Variants in PTPRG observed in about 807,000 individuals in gnomAD.
PTPRG encodes the protein receptor-type tyrosine-protein phosphatase gamma.
A neutral mutation model predicts 165.3 loss-of-function variants in PTPRG; 102 were observed. The ratio of observed to expected loss-of-function variants is 0.62; its 90% CI spans 0.53 to 0.73. The LOEUF (loss-of-function observed/expected upper bound fraction) is 0.73, where lower values mean the gene tolerates loss of function less well. Among genes scored for constraint, PTPRG ranks in the 30% least tolerant of loss-of-function variants. The probability of loss-of-function intolerance (pLI) is 0.00; values close to 1 mark genes in which losing one functional copy is unlikely to be tolerated. For synonymous variants in PTPRG, 675 were observed against 669.5 expected (o/e 1.01, Z -0.13); for missense variants, 1,866 against 1,861.4 (o/e 1.00, Z -0.05).
At chr3:61,754,903 C>T (rs1435287853) in intron 2 of PTPRG, among the ~76,000 whole-genome samples, 2 of 152,076 alleles carry the variant, frequency 1.3e-5, no homozygotes, top group Admixed American at 1.3e-4. Flanking sequence ...GTGTTATTTG[C>T]CTCTCTCCTA....
At chr3:61,577,855 T>C (rs1389945360) in intron 1 of PTPRG, among the ~76,000 whole-genome samples, 5 of 152,240 alleles carry the variant, frequency 3.3e-5, no homozygotes. Flanking sequence ...TGGAGAAGGT[T>C]GTCTCCTAGA....
At chr3:61,846,693 T>C (rs538522274) in intron 2 of PTPRG, among the ~76,000 whole-genome samples, 7 of 152,236 alleles carry the variant, frequency 4.6e-5, no homozygotes, top group African/African-American at 1.7e-4. Context: ...AGTAGACAGA[T>C]CACTTGAGCC....
chr3:61,618,896 C>G (rs1435193323), intron 1 of PTPRG, among the ~76,000 whole-genome samples: 1 of 145,648 alleles, frequency 6.9e-6, no homozygotes, highest in African/African-American at 2.5e-5. Flanking sequence ...AATCCCAGCA[C>G]TTTGGGAGCC....
In PTPRG at chr3:62,231,209, T is replaced by G. The variant is rs77239043; in HGVS notation, c.2289-16T>G. On this transcript the variant is annotated splice_polypyrimidine_tract_variant and intron_variant, in intron 13 of 29. Transcript: ENST00000474889. ...TGTATTCTACACCTGTTCTCTTTTGTTTTTTGTCCATTTAGAGGGTGTAAC... is the reference window on the plus strand; with the variant it reads ...TGTATTCTACACCTGTTCTCTTTTGGTTTTTGTCCATTTAGAGGGTGTAAC... The G allele has an allele frequency of 6.2e-4, 942 of 1,530,328 alleles. 5 individuals carry two copies. In the African/African-American group the frequency reaches 0.012, roughly 19 times the overall value. 94.8% of individuals were successfully genotyped at this position (1,530,328 alleles called of 1,614,324 possible).
At chr3:61,568,242 A>C (rs897417388) in intron 1 of PTPRG, among the ~76,000 whole-genome samples, 9 of 152,210 alleles carry the variant, frequency 5.9e-5, no homozygotes, top group Non-Finnish European at 1.3e-4. Flanking sequence ...GCCTGTTGCA[A>C]ATTTCTAAGA....
intron 1 of PTPRG, among the ~76,000 whole-genome samples, chr3:61,655,518 A>T (rs1702485621): frequency 6.6e-6 from 1 of 152,224 alleles, no homozygotes; most frequent in African/African-American, 2.4e-5. Flanking sequence ...AGTGGCAGTT[A>T]TACTCAGTTG....
At chr3:61,943,700 C>T (rs1377457061) in intron 2 of PTPRG, among the ~76,000 whole-genome samples, 1 of 152,208 alleles carries the variant, frequency 6.6e-6, no homozygotes, top group South Asian at 2.1e-4. Flanking sequence ...TTTACTGTCA[C>T]CATCATGCCC....
intron 2 of PTPRG, among the ~76,000 whole-genome samples, chr3:61,758,518 C>G (rs2033714120): frequency 6.6e-6 from 1 of 152,126 alleles, no homozygotes. Context: ...GTGGCACAAT[C>G]TTAGTTCACT....
intron 17 of PTPRG, 103 bp from the exon 18 acceptor site, chr3:62,267,307 T>A: frequency 3.4e-6 from 3 of 872,470 alleles, no homozygotes; most frequent in Non-Finnish European, 5.4e-6. Context: ...CAGACTACCT[T>A]GGGAGATGTC....
At chr3:61,977,285 A>G (rs1007721834) in intron 2 of PTPRG, among the ~76,000 whole-genome samples, 1 of 151,766 alleles carries the variant, frequency 6.6e-6, no homozygotes, top group Non-Finnish European at 1.5e-5. Context: ...AATGCATGCT[A>G]TGATGTGATA....
At chr3:62,250,134 T>G (rs1002271536) in intron 15 of PTPRG, among the ~76,000 whole-genome samples, 1 of 152,234 alleles carries the variant, frequency 6.6e-6, no homozygotes, top group Non-Finnish European at 1.5e-5. Flanking sequence ...TATGAAATGT[T>G]TACTAAATGC....
chr3:61,574,830 A>T (rs1700139556), intron 1 of PTPRG, among the ~76,000 whole-genome samples: 1 of 152,140 alleles, frequency 6.6e-6, no homozygotes, highest in Admixed American at 6.5e-5. Flanking sequence ...GTGCAAAGAG[A>T]GGCAAAACCC....
intron 4 of PTPRG, among the ~76,000 whole-genome samples, chr3:62,023,194 C>T (rs2041738582): frequency 6.6e-6 from 1 of 152,114 alleles, no homozygotes; most frequent in South Asian, 2.1e-4. Flanking sequence ...TATATTTAAA[C>T]ACAACCTTGA....
chr3:61,922,507 C>T (rs139912886), intron 2 of PTPRG, among the ~76,000 whole-genome samples: 3 of 152,258 alleles, frequency 2.0e-5, no homozygotes, highest in East Asian at 1.9e-4. Context: ...CGCTTGTGCG[C>T]GTTTGTTATT....
intron 5 of PTPRG, among the ~76,000 whole-genome samples, chr3:62,080,431 A>G (rs545671333): frequency 6.6e-6 from 1 of 152,130 alleles, no homozygotes; most frequent in South Asian, 2.1e-4. Context: ...GGACCACACA[A>G]ACTGCTCTTA....
intron 13 of PTPRG, among the ~76,000 whole-genome samples, chr3:62,226,613 A>G (rs576625409): frequency 6.6e-6 from 1 of 152,366 alleles, no homozygotes; most frequent in African/African-American, 2.4e-5. Flanking sequence ...AAAAGTATAG[A>G]GCAGCTTTAC....
At chr3:62,164,097 C>T (rs1704873237) in intron 7 of PTPRG, among the ~76,000 whole-genome samples, 1 of 152,206 alleles carries the variant, frequency 6.6e-6, no homozygotes, top group African/African-American at 2.4e-5. Flanking sequence ...ACGGACCAAA[C>T]ATCGGACCGG....
intron 27 of PTPRG, among the ~76,000 whole-genome samples, chr3:62,281,959 A>G (rs1325816239): frequency 6.6e-6 from 1 of 152,034 alleles, no homozygotes; most frequent in African/African-American, 2.4e-5. Context: ...TATAAAAACA[A>G]TATACTAGAA....
chr3:62,192,604 G>A (rs992667073), intron 9 of PTPRG, among the ~76,000 whole-genome samples: 2 of 151,586 alleles, frequency 1.3e-5, no homozygotes, highest in Admixed American at 1.3e-4. Context: ...GTAGAGACAG[G>A]GTTTCACCGT....
Sources: gnomAD v4.1 joint callset for allele counts (sites outside exome capture counted in the v4.1 genomes callset) on GRCh38, gnomAD v4.1.1 for gene constraint, MANE v1.5 for transcripts, NCBI Gene and HGNC (gene_info 2026-07-23, HGNC 2026-07-21) for gene names.